PREX1: variants seen among roughly 807,000 people sequenced by gnomAD.
PREX1 encodes phosphatidylinositol-3,4,5-trisphosphate dependent Rac exchange factor 1.
In PREX1, 41 loss-of-function variants were observed where a neutral mutation model predicts 198.3. The ratio of observed to expected loss-of-function variants is 0.21; its 90% CI spans 0.16 to 0.27. PREX1 has a LOEUF of 0.27. PREX1 is among the 10% of genes least tolerant of loss of function. PREX1 has a pLI of 1.00. For synonymous variants in PREX1, 843 were observed against 887.2 expected (o/e 0.95, Z 0.89); for missense variants, 1,620 against 2,200.7 (o/e 0.74, Z 5.28).
At chr20:48,633,987 TTGGATGGA>T (rs570120970) in intron 33 of PREX1, among the ~76,000 whole-genome samples, 3 of 150,472 alleles carry the variant, frequency 2.0e-5, no homozygotes, top group South Asian at 2.1e-4. Flanking sequence ...TGGATGATGG[TTGGATGGA>T]TGGATGGATG....
At chr20:48,713,055 C>T (rs1234391781) in intron 5 of PREX1, among the ~76,000 whole-genome samples, 4 of 152,072 alleles carry the variant, frequency 2.6e-5, no homozygotes, top group Admixed American at 2.0e-4. Context: ...ACCTGGGAGG[C>T]GGAGGTTGCA....
At chr20:48,865,136 A>T in the PREX1 span, among the ~76,000 whole-genome samples, 75 of 152,220 alleles carry the variant, frequency 4.9e-4, no homozygotes, top group African/African-American at 1.7e-3. Context: ...TCTCTGGGGG[A>T]AACAGGTACT....
the PREX1 span, among the ~76,000 whole-genome samples, chr20:48,839,868 T>G: frequency 1.7e-4 from 26 of 152,222 alleles, no homozygotes; most frequent in Non-Finnish European, 3.1e-4. Flanking sequence ...AGAGTAACTC[T>G]CAGTCTGGGT....
the PREX1 span, among the ~76,000 whole-genome samples, chr20:48,867,926 C>G: frequency 1.4e-5 from 2 of 144,456 alleles, no homozygotes; most frequent in African/African-American, 2.6e-5. Context: ...CCAGGCTGGT[C>G]TGGAAGTCCT....
At chr20:48,702,796 G>A (rs116831662) in intron 6 of PREX1, among the ~76,000 whole-genome samples, 1,825 of 152,342 alleles carry the variant, frequency 0.012, 42 homozygotes, top group African/African-American at 0.042. Flanking sequence ...CCGCTGCATC[G>A]CTTCCTTACA....
chr20:48,672,557 G>A (rs1349920570), intron 14 of PREX1, among the ~76,000 whole-genome samples: 1 of 152,252 alleles, frequency 6.6e-6, no homozygotes, highest in Non-Finnish European at 1.5e-5. Context: ...AGTGGACACA[G>A]CCTGGCATGG....
intron 19 of PREX1, 28 bp downstream of exon 19, chr20:48,655,262 T>C: frequency 6.6e-7 from 1 of 1,508,480 alleles, no homozygotes; most frequent in Non-Finnish European, 9.1e-7. Flanking sequence ...TCTGCACCTT[T>C]CCCCTCTCTC....
At chr20:48,858,792 G>C in the PREX1 span, among the ~76,000 whole-genome samples, 1 of 152,202 alleles carries the variant, frequency 6.6e-6, no homozygotes, top group Non-Finnish European at 1.5e-5. Flanking sequence ...CTTTAATGTA[G>C]GCAGCTGAAG....
intron 1 of PREX1, among the ~76,000 whole-genome samples, chr20:48,769,948 G>A (rs1056306684): frequency 1.2e-4 from 19 of 152,102 alleles, no homozygotes; most frequent in Admixed American, 9.8e-4. Flanking sequence ...TGTGCACTGC[G>A]GCAGCCTGGA....
intron 36 of PREX1, among the ~76,000 whole-genome samples, chr20:48,630,251 A>T (rs192604875): frequency 2.6e-4 from 40 of 152,338 alleles, no homozygotes; most frequent in Non-Finnish European, 5.3e-4. Context: ...CGAACTATCG[A>T]GGCCCCTCAG....
chr20:48,687,861 T>C (rs1294550565), intron 10 of PREX1, among the ~76,000 whole-genome samples: 1 of 152,118 alleles, frequency 6.6e-6, no homozygotes, highest in Non-Finnish European at 1.5e-5. Context: ...ACTCCAGTTA[T>C]AAAATGGGGC....
intron 6 of PREX1, among the ~76,000 whole-genome samples, chr20:48,705,918 G>A (rs986486466): frequency 6.6e-6 from 1 of 152,178 alleles, no homozygotes; most frequent in South Asian, 2.1e-4. Context: ...AAACTTACTC[G>A]AGACAGGGCA....
intron 6 of PREX1, among the ~76,000 whole-genome samples, chr20:48,704,511 G>A (rs556233493): frequency 2.1e-5 from 3 of 142,656 alleles, no homozygotes; most frequent in Admixed American, 7.2e-5. Flanking sequence ...AGAAAATGGA[G>A]TGCCTTCCTT....
intron 13 of PREX1, among the ~76,000 whole-genome samples, chr20:48,677,917 C>T (rs1341795160): frequency 6.6e-6 from 1 of 151,816 alleles, no homozygotes; most frequent in Non-Finnish European, 1.5e-5. Flanking sequence ...ATCCAGGAGG[C>T]AGAGGTTGCA....
intron 1 of PREX1, among the ~76,000 whole-genome samples, chr20:48,780,445 C>G (rs1161934187): frequency 6.6e-6 from 1 of 151,938 alleles, no homozygotes; most frequent in Non-Finnish European, 1.5e-5. Context: ...CAGCAAGACC[C>G]ATCTCTACCA....
chr20:48,830,074 T>C (rs180855265), upstream of PREX1, among the ~76,000 whole-genome samples: 1 of 152,268 alleles, frequency 6.6e-6, no homozygotes, highest in African/African-American at 2.4e-5. Flanking sequence ...GAATCAAAAA[T>C]GTCTCCAGGC....
At chr20:48,681,616 G>A (rs1045649967) in intron 10 of PREX1, among the ~76,000 whole-genome samples, 1 of 152,026 alleles carries the variant, frequency 6.6e-6, no homozygotes. Context: ...GAGAGGGAGG[G>A]AGGGAGAGAG....
chr20:48,636,945 A>C (rs1009552659), intron 31 of PREX1, among the ~76,000 whole-genome samples: 3 of 152,100 alleles, frequency 2.0e-5, no homozygotes, highest in African/African-American at 7.2e-5. Context: ...CAAACAAACA[A>C]ACATCTTGTG....
chr20:48,642,070 CAGT>C lies in PREX1; in HGVS notation c.3775+95_3775+97del, dbSNP rs375268990. The C allele has an allele frequency of 8.8e-6, 11 of 1,255,192 alleles. No individual in the cohort carries two copies. In the African/African-American group the frequency reaches 8.8e-5, roughly 10 times the overall value. 77.8% of individuals were successfully genotyped at this position (1,255,192 alleles called of 1,614,324 possible). ...TCCTGATGATCCTACAGTCGTTCAGCAGTAGGAGGGCAGAGCTGAGCATTAGCC... is the reference window on the plus strand; with the variant it reads ...TCCTGATGATCCTACAGTCGTTCAGCAGGAGGGCAGAGCTGAGCATTAGCC... On this transcript the variant is annotated intron_variant, in intron 29 of 39. Coordinates refer to ENST00000371941, the MANE Select transcript of PREX1 (RefSeq NM_020820.4).
Sources: gnomAD v4.1 joint callset for allele counts (sites outside exome capture counted in the v4.1 genomes callset) on GRCh38, gnomAD v4.1.1 for gene constraint, MANE v1.5 for transcripts, NCBI Gene and HGNC (gene_info 2026-07-23, HGNC 2026-07-21) for gene names.